Variants in SOBP observed in about 807,000 individuals in gnomAD.
SOBP encodes the protein sine oculis binding protein homolog.
SOBP carries 4 observed loss-of-function variants against 53.6 expected under a neutral mutation model. That is an observed-to-expected ratio of 0.07 (90% CI 0.04 to 0.17). The LOEUF (loss-of-function observed/expected upper bound fraction) is 0.17. Ranked by LOEUF, SOBP falls within the 10% of genes least tolerant of loss-of-function variation. The probability of loss-of-function intolerance (pLI) is 1.00; values close to 1 mark genes in which losing one functional copy is unlikely to be tolerated. For missense variants in SOBP, 1,088 were observed against 1,204.7 expected (o/e 0.90, Z 1.43); for synonymous variants, 584 against 522.6 (o/e 1.12, Z -1.60).
chr6:107,610,796 GCA>G (rs150127640), intron 5 of SOBP, among the ~76,000 whole-genome samples: 30,827 of 148,580 alleles, frequency 0.21, 3,540 homozygotes, highest in East Asian at 0.31. Context: ...GTGTGCACAC[GCA>G]CACACACACA....
chr6:107,560,156 G>A (rs999640944), intron 4 of SOBP, among the ~76,000 whole-genome samples: 13 of 152,138 alleles, frequency 8.5e-5, no homozygotes, highest in African/African-American at 3.1e-4. Context: ...GCAGCTTCCT[G>A]CCTTCACCCT....
At chr6:107,596,529 T>G (rs972457398) in intron 5 of SOBP, among the ~76,000 whole-genome samples, 2 of 152,220 alleles carry the variant, frequency 1.3e-5, no homozygotes, top group African/African-American at 2.4e-5. Flanking sequence ...CTGTTCACTT[T>G]TCCTTGAGTG....
chr6:107,571,783 C>T (rs1184866530), intron 4 of SOBP, among the ~76,000 whole-genome samples: 1 of 152,166 alleles, frequency 6.6e-6, no homozygotes, highest in Non-Finnish European at 1.5e-5. Context: ...TTATAGGAAT[C>T]GCTGCCACAG....
At chr6:107,599,799 T>C (rs762000689) in intron 5 of SOBP, among the ~76,000 whole-genome samples, 5 of 152,238 alleles carry the variant, frequency 3.3e-5, no homozygotes, top group Non-Finnish European at 5.9e-5. Flanking sequence ...TAGGCACTTA[T>C]TATTGATTTG....
chr6:107,600,528 AT>A (rs1786139588), intron 5 of SOBP, among the ~76,000 whole-genome samples: 2 of 144,752 alleles, frequency 1.4e-5, no homozygotes, highest in South Asian at 4.8e-4. Flanking sequence ...ATGTGGTTGA[AT>A]CTACTGTTAA....
intron 4 of SOBP, among the ~76,000 whole-genome samples, chr6:107,573,105 A>G (rs1016515755): frequency 3.3e-5 from 5 of 152,228 alleles, no homozygotes; most frequent in African/African-American, 1.2e-4. Flanking sequence ...ATGGATAGTC[A>G]GATGGCTGAA....
intron 6 of SOBP, among the ~76,000 whole-genome samples, chr6:107,650,174 T>C (rs9486661): frequency 0.67 from 101,822 of 152,002 alleles, 37,239 homozygotes; most frequent in Non-Finnish European, 0.84. Context: ...TTTTATTTTA[T>C]TTTTAGTACT....
rs1326899137 is a variant in SOBP, at chr6:107,633,994, C to T, written c.1150C>T (p.Pro384Ser). ...PPLGVPPRSP[P>S]MVMTNRGPVP... ...CCTTGGCGTCCCGCCTCGGAGCCCT[C>T]CCATGGTGATGACCAACCGCGGCCC... Residue 384 changes from proline (P) to serine (S), a missense_variant, in exon 6 of 7, where the codon CCC (proline) becomes TCC (serine). Around this residue, in one of 6 missense-constraint regions of SOBP, gnomAD observed 211 missense variants for 258.9 expected, o/e 0.82. Transcript: ENST00000317357. 2 of 1,613,912 alleles carry T rather than the reference C, an allele frequency of 1.2e-6. No individual in the cohort carries two copies. Among genetic ancestry groups the T allele is most frequent in the Non-Finnish European group, 1.7e-6 (2 of 1,179,906 alleles).
chr6:107,606,394 T>C (rs921545734), intron 5 of SOBP, among the ~76,000 whole-genome samples: 10 of 152,068 alleles, frequency 6.6e-5, no homozygotes, highest in Non-Finnish European at 1.3e-4. Context: ...AGCACTCTTA[T>C]CCACAGCTGA....
rs1344627998 is a variant in SOBP at position 107,490,208 on chromosome 6, G to A, written c.-409G>A. The A allele has an allele frequency of 6.7e-6, 1 of 149,102 alleles. No homozygotes were observed. The highest frequency in any genetic ancestry group is 1.5e-5 in the Non-Finnish European group (1 of 66,592). The allele number at this position is 149,102 out of a possible 1,614,324, so 9.2% of individuals were successfully genotyped here. Reference sequence around the variant, plus strand: ...CCCCGCGCCCATGCGGACGGACCGAGCGACGGAAGATGGCTGACGACTCCA... The same window carrying A: ...CCCCGCGCCCATGCGGACGGACCGAACGACGGAAGATGGCTGACGACTCCA... On this transcript the variant is annotated 5_prime_UTR_variant, in exon 1 of 7. Coordinates refer to ENST00000317357, the MANE Select transcript of SOBP (RefSeq NM_018013.4).
intron 5 of SOBP, among the ~76,000 whole-genome samples, chr6:107,606,461 GTGCAGCAGGGA>G (rs1209169688): frequency 1.3e-5 from 2 of 152,152 alleles, no homozygotes; most frequent in Non-Finnish European, 2.9e-5. Flanking sequence ...GGCAGTGGGG[GTGCAGCAGGGA>G]TGCAGCATTC....
chr6:107,498,624 T>G (rs1350485891), intron 1 of SOBP, among the ~76,000 whole-genome samples: 1 of 152,202 alleles, frequency 6.6e-6, no homozygotes, highest in Non-Finnish European at 1.5e-5. Context: ...TTGACATTTG[T>G]ACAGTACTTC....
chr6:107,595,919 A>G (rs1785931225), intron 5 of SOBP, among the ~76,000 whole-genome samples: 1 of 152,212 alleles, frequency 6.6e-6, no homozygotes, highest in Non-Finnish European at 1.5e-5. Context: ...AGATTCTTCA[A>G]AATAATGTAT....
intron 6 of SOBP, among the ~76,000 whole-genome samples, chr6:107,655,629 G>A (rs373110384): frequency 6.6e-6 from 1 of 152,096 alleles, no homozygotes; most frequent in African/African-American, 2.4e-5. Context: ...CAGAACTTTG[G>A]GGGAAAACAC....
rs961560442 is a variant in SOBP at position 107,553,389 on chromosome 6, C to T, written c.573+19779C>T. 2.1e-4 allele frequency among the ~76,000 whole-genome samples: 32 copies of T among 150,698 alleles called. 1 individual carries two copies. Among genetic ancestry groups the T allele is most frequent in the African/African-American group, 7.3e-4 (30 of 41,090 alleles). On this transcript the variant is annotated intron_variant, in intron 4 of 6. Transcript: ENST00000317357. ...TGTCGCCCAGGCCTGAGTGCAGTGG[C>T]ACGATCTCGGCTCACTGCAACCTCT...
intron 5 of SOBP, among the ~76,000 whole-genome samples, chr6:107,605,707 C>G (rs1786347248): frequency 6.6e-6 from 1 of 152,218 alleles, no homozygotes; most frequent in Non-Finnish European, 1.5e-5. Context: ...TCACGAAATA[C>G]AGCTCTCATG....
In SOBP at chr6:107,634,139, C is replaced by G. The variant is rs753251579; in HGVS notation, c.1295C>G (p.Pro432Arg). The G allele has an allele frequency of 2.5e-6, 4 of 1,611,488 alleles. No homozygotes were observed. Among genetic ancestry groups the G allele is most frequent in the Non-Finnish European group, 3.4e-6 (4 of 1,178,960 alleles). ...PNSPLSNPMLPGIGPPPGGPR... is the reference protein window; with the variant it reads ...PNSPLSNPMLRGIGPPPGGPR... ...AGCCCCCTGTCCAACCCCATGCTTCCCGGCATCGGGCCCCCGCCCGGTGGC... is the reference window on the plus strand; with the variant it reads ...AGCCCCCTGTCCAACCCCATGCTTCGCGGCATCGGGCCCCCGCCCGGTGGC... The change falls in exon 6 of 7, where the codon CCC (proline) becomes CGC (arginine). Residue 432 changes from proline to arginine, a missense_variant. Physicochemically the swap from Pro to Arg is moderately radical, Grantham distance 103. Coordinates refer to ENST00000317357, the MANE Select transcript of SOBP (RefSeq NM_018013.4). The surrounding 1 kb of genome is among the most constrained non-coding windows in gnomAD (Gnocchi z 4.5).
At chr6:107,650,036 A>C (rs573438386) in intron 6 of SOBP, among the ~76,000 whole-genome samples, 24 of 152,364 alleles carry the variant, frequency 1.6e-4, no homozygotes, top group Non-Finnish European at 2.9e-4. Context: ...GAGTTATCCC[A>C]GTAGGGAGTC....
At chr6:107,553,367 C>G (rs9486645) in intron 4 of SOBP, among the ~76,000 whole-genome samples, 1 of 151,386 alleles carries the variant, frequency 6.6e-6, no homozygotes, top group African/African-American at 2.4e-5. Context: ...CTCACTGTGT[C>G]GCCCAGGCCT....
Sources: gnomAD v4.1 joint callset for allele counts (sites outside exome capture counted in the v4.1 genomes callset) on GRCh38, gnomAD v4.1.1 for gene constraint, gnomAD v4.1.1 regional missense constraint, Gnocchi (gnomAD v3.1) non-coding constraint, MANE v1.5 for transcripts, NCBI Gene and HGNC (gene_info 2026-07-23, HGNC 2026-07-21) for gene names.